TRAPPC9: variants seen among roughly 807,000 people sequenced by gnomAD.
TRAPPC9 encodes the protein IKK2 binding protein.
Under a neutral mutation model 124.0 loss-of-function variants are expected in TRAPPC9, and 83 were observed. The ratio of observed to expected loss-of-function variants is 0.67; its 90% CI spans 0.56 to 0.80. The LOEUF (loss-of-function observed/expected upper bound fraction) is 0.80, where lower values mean the gene tolerates loss of function less well. Among genes scored for constraint, TRAPPC9 ranks in the 30% least tolerant of loss-of-function variants. The pLI is 0.00. For synonymous variants in TRAPPC9, 638 were observed against 617.5 expected, an observed-to-expected ratio of 1.03 and a Z score of -0.49; for missense variants, 1,302 against 1,508.3, an observed-to-expected ratio of 0.86 and a Z score of 2.27.
intron 15 of TRAPPC9, among the ~76,000 whole-genome samples, chr8:140,265,778 C>G (rs1413060559): frequency 6.6e-6 from 1 of 152,196 alleles, no homozygotes; most frequent in Non-Finnish European, 1.5e-5. Flanking sequence ...AGAGGAATTA[C>G]TGCCGCTGTG....
intron 21 of TRAPPC9, among the ~76,000 whole-genome samples, chr8:139,786,864 G>C (rs1253594101): frequency 6.6e-6 from 1 of 152,114 alleles, no homozygotes; most frequent in Non-Finnish European, 1.5e-5. Context: ...GACAGAAAAC[G>C]GGTCAGTGAT....
intron 15 of TRAPPC9, among the ~76,000 whole-genome samples, chr8:140,265,920 G>A (rs1051959300): frequency 2.6e-5 from 4 of 152,084 alleles, no homozygotes; most frequent in African/African-American, 7.2e-5. Flanking sequence ...ATAACAATAC[G>A]GAGCCATCAT....
chr8:140,168,108 C>T (rs186308410), intron 17 of TRAPPC9, among the ~76,000 whole-genome samples: 164 of 152,312 alleles, frequency 1.1e-3, no homozygotes, highest in Non-Finnish European at 7.5e-4. Context: ...AGGTAACTTG[C>T]TCAATAACGA....
chr8:140,089,537 T>A (rs1563752027), intron 17 of TRAPPC9, among the ~76,000 whole-genome samples: 1 of 152,182 alleles, frequency 6.6e-6, no homozygotes, highest in Non-Finnish European at 1.5e-5. Flanking sequence ...TTGGATACCA[T>A]CTTCATGAAA....
rs183020227 is a variant in TRAPPC9 at position 140,447,092 on chromosome 8, G to A, written c.584+3698C>T. On this transcript the variant is annotated intron_variant, in intron 2 of 22. Coordinates refer to ENST00000438773, the MANE Select transcript of TRAPPC9 (RefSeq NM_001160372.4). ...CATGGCGCTGCAGCCTGGGACTTTT[G>A]CAGTTAAGCTATCCCAGGAAAACCC... Among the ~76,000 whole-genome samples the A allele has an allele frequency of 2.3e-3, 353 of 152,216 alleles. 2 individuals carry two copies. The highest frequency in any genetic ancestry group is 8.3e-3 in the African/African-American group (345 of 41,544).
intron 21 of TRAPPC9, among the ~76,000 whole-genome samples, chr8:139,813,239 G>A (rs979433218): frequency 6.6e-6 from 1 of 152,188 alleles, no homozygotes; most frequent in Non-Finnish European, 1.5e-5. Context: ...AGTAAGTCAC[G>A]TCCCCTCTTG....
rs186487319 is a variant in TRAPPC9 at position 140,366,749 on chromosome 8, C to T, written c.1351+4215G>A. Among the ~76,000 whole-genome samples the T allele has an allele frequency of 5.4e-4, 83 of 152,294 alleles. No homozygotes were observed. In the East Asian group the frequency reaches 0.015, roughly 28 times the overall value. On this transcript the variant is annotated intron_variant, in intron 8 of 22. Coordinates refer to ENST00000438773, the MANE Select transcript of TRAPPC9 (RefSeq NM_001160372.4). ...AGCTAGACTTCGTTAAAATTTAAAACTTCTGCTCTGCAAAAGACATATCAA... is the reference window on the plus strand; with the variant it reads ...AGCTAGACTTCGTTAAAATTTAAAATTTCTGCTCTGCAAAAGACATATCAA...
At chr8:140,440,961 G>C (rs1311601859) in intron 2 of TRAPPC9, among the ~76,000 whole-genome samples, 1 of 141,678 alleles carries the variant, frequency 7.1e-6, no homozygotes, top group Non-Finnish European at 1.5e-5. Flanking sequence ...TGTGTTTCTA[G>C]AACACTGTTA....
chr8:140,060,355 C>T (rs1842527921), intron 17 of TRAPPC9, among the ~76,000 whole-genome samples: 1 of 152,204 alleles, frequency 6.6e-6, no homozygotes, highest in Non-Finnish European at 1.5e-5. Flanking sequence ...AGGAGTTTCA[C>T]TCTCCATGTG....
At chr8:139,882,341 G>A (rs779256687) in intron 21 of TRAPPC9, among the ~76,000 whole-genome samples, 8 of 152,132 alleles carry the variant, frequency 5.3e-5, no homozygotes, top group Middle Eastern at 3.2e-3. Context: ...GACGCAGCAC[G>A]TGGCTGGACC....
At chr8:140,259,581 G>A (rs1289929863) in intron 15 of TRAPPC9, among the ~76,000 whole-genome samples, 1 of 152,228 alleles carries the variant, frequency 6.6e-6, no homozygotes, top group Admixed American at 6.5e-5. Context: ...GAATCAACAA[G>A]TTGACGGAAG....
At chr8:139,960,395 CCT>C in intron 19 of TRAPPC9, among the ~76,000 whole-genome samples, 1 of 152,146 alleles carries the variant, frequency 6.6e-6, no homozygotes. Context: ...TCAGCCTGGC[CCT>C]GAGCCCCGAC....
intron 19 of TRAPPC9, among the ~76,000 whole-genome samples, chr8:139,970,601 C>CTCA (rs1488766711): frequency 6.6e-6 from 1 of 152,132 alleles, no homozygotes; most frequent in Non-Finnish European, 1.5e-5. Flanking sequence ...TTCCCAGGGT[C>CTCA]TCACTCACAA....
chr8:140,403,629 A>G (rs552534336), intron 6 of TRAPPC9, among the ~76,000 whole-genome samples: 1 of 151,950 alleles, frequency 6.6e-6, no homozygotes, highest in South Asian at 2.1e-4. Context: ...GGAGGACAAT[A>G]CAGGAATATA....
Position 140,456,796 on chromosome 8 carries a change from T to A in TRAPPC9, c.-11+843A>T, listed in dbSNP as rs2071682025. 3 of 985,462 alleles carry A rather than the reference T, an allele frequency of 3.0e-6. No individual in the cohort carries two copies. The African/African-American group carries it at 5.2e-5, about 17-fold the overall frequency. The allele number at this position is 985,462 out of a possible 1,614,324, so 61.0% of individuals were successfully genotyped here. A position where few individuals can be genotyped will look rare whatever the true frequency, so the allele number is the denominator to read the frequency against. On this transcript the variant is annotated intron_variant, in intron 1 of 22. Coordinates refer to ENST00000438773, the MANE Select transcript of TRAPPC9 (RefSeq NM_001160372.4). ...GGATGGAAGGGAAGTCACTCCCCCA[T>A]ACCTTTCAACTGGGCCTTGCTTCCA... is the stretch of plus-strand genomic sequence containing the variant.
chr8:140,429,697 T>C (rs548227940), intron 4 of TRAPPC9, among the ~76,000 whole-genome samples: 2 of 152,126 alleles, frequency 1.3e-5, no homozygotes, highest in South Asian at 4.2e-4. Flanking sequence ...TCCCAGCTAC[T>C]GGGGAGGCTG....
At chr8:139,951,185 C>T (rs998879689) in intron 19 of TRAPPC9, among the ~76,000 whole-genome samples, 6 of 152,344 alleles carry the variant, frequency 3.9e-5, no homozygotes, top group Admixed American at 1.3e-4. Flanking sequence ...CCTCTGCCAA[C>T]GCTCCTCACA....
intron 17 of TRAPPC9, among the ~76,000 whole-genome samples, chr8:140,139,512 G>A (rs569165829): frequency 1.2e-4 from 18 of 152,248 alleles, no homozygotes; most frequent in Non-Finnish European, 1.9e-4. Context: ...ATATAACAGC[G>A]CCAAATGGGA....
At chr8:140,098,200 C>G (rs1193474748) in intron 17 of TRAPPC9, 1 of 152,320 alleles carries the variant, frequency 6.6e-6, no homozygotes, top group East Asian at 1.9e-4. Context: ...CCGGGTCATC[C>G]GCAGCCATCC....
Sources: allele counts gnomAD v4.1 joint callset (sites outside exome capture counted in the v4.1 genomes callset), GRCh38; gene constraint gnomAD v4.1.1; transcripts MANE v1.5; gene names NCBI Gene and HGNC (gene_info 2026-07-23, HGNC 2026-07-21).